The following IQSEC1 variants were observed in gnomAD, a reference collection of about 807,000 sequenced individuals.
IQSEC1 encodes IQ motif and Sec7 domain ArfGEF 1, also known as IQ motif and SEC7 domain-containing protein 1.
IQSEC1 carries 31 observed loss-of-function variants against 91.0 expected under a neutral mutation model. That is an observed-to-expected ratio of 0.34 (90% confidence interval 0.26 to 0.46). The LOEUF is 0.46. Among genes scored for constraint, IQSEC1 ranks in the 20% least tolerant of loss-of-function variants. IQSEC1 has a pLI of 1.00. For missense variants in IQSEC1, 1,388 were observed against 1,575.6 expected (o/e 0.88, Z 2.02); for synonymous variants, 699 against 662.6 (o/e 1.05, Z -0.84).
At chr3:13,039,086 C>T (rs1704155074) in intron 1 of IQSEC1, among the ~76,000 whole-genome samples, 1 of 152,346 alleles carries the variant, frequency 6.6e-6, no homozygotes, top group Middle Eastern at 3.4e-3. Flanking sequence ...ATATTTTCTT[C>T]CCACCTGAAC....
chr3:13,005,150 G>T (rs1702579908), intron 1 of IQSEC1, among the ~76,000 whole-genome samples: 1 of 152,156 alleles, frequency 6.6e-6, no homozygotes, highest in Admixed American at 6.5e-5. Context: ...ATTAACCCTT[G>T]TGTGTGGGGT....
intron 1 of IQSEC1, among the ~76,000 whole-genome samples, chr3:13,016,405 C>T (rs933926049): frequency 6.6e-6 from 1 of 152,252 alleles, no homozygotes; most frequent in Admixed American, 6.5e-5. Context: ...CGCCCCACCA[C>T]TCCCTCTCCA....
intron 1 of IQSEC1, among the ~76,000 whole-genome samples, chr3:13,007,912 C>T (rs1702706787): frequency 6.6e-6 from 1 of 152,004 alleles, no homozygotes; most frequent in South Asian, 2.1e-4. Flanking sequence ...GCCCACCCTT[C>T]CCCGGAGCAA....
chr3:13,077,050 A>G (rs1705574971), upstream of IQSEC1, among the ~76,000 whole-genome samples: 1 of 149,822 alleles, frequency 6.7e-6, no homozygotes, highest in African/African-American at 2.5e-5. Context: ...TTTTTTAAAG[A>G]CAAGGTCTCA....
chr3:13,213,392 G>C (rs1262954675), intron 1 of IQSEC1, among the ~76,000 whole-genome samples: 1 of 151,992 alleles, frequency 6.6e-6, no homozygotes, highest in African/African-American at 2.4e-5. Flanking sequence ...TTCCTGTTTC[G>C]GTACCATATA....
chr3:13,151,272 T>A lies in IQSEC1; in HGVS notation c.302+12832A>T, dbSNP rs532745433. The stretch of plus-strand genomic sequence containing the variant: ...TGGACGATGCTATCGGGAGCCCCTG[T>A]CACAGCCCCTTCTGCCCCCAGTCAC... On this transcript the variant is annotated intron_variant, in intron 2 of 15. Transcript: ENST00000648114. 1.4e-3 allele frequency among the ~76,000 whole-genome samples: 220 copies of A among 152,266 alleles called. 1 individual carries two copies. The highest frequency in any genetic ancestry group is 5.2e-3 in the African/African-American group (217 of 41,554).
intron 1 of IQSEC1, among the ~76,000 whole-genome samples, chr3:13,185,192 G>A (rs760274911): frequency 2.6e-5 from 4 of 152,140 alleles, no homozygotes; most frequent in African/African-American, 4.8e-5. Context: ...CTGACCTTAC[G>A]CAAGTGGCTT....
intron 1 of IQSEC1, among the ~76,000 whole-genome samples, chr3:13,257,451 C>G (rs990962816): frequency 2.0e-5 from 3 of 150,036 alleles, no homozygotes; most frequent in Non-Finnish European, 4.4e-5. Flanking sequence ...GCCCTCCTAG[C>G]TGAGTTGAAC....
chr3:13,257,307 C>G (rs755413619), intron 1 of IQSEC1, among the ~76,000 whole-genome samples: 1 of 152,208 alleles, frequency 6.6e-6, no homozygotes, highest in Non-Finnish European at 1.5e-5. Flanking sequence ...ATGAGACAGA[C>G]AGACAGACAT....
chr3:12,902,749 T>C (rs755508420), intron 13 of IQSEC1, 24 bp downstream of exon 13: 8 of 1,559,522 alleles, frequency 5.1e-6, no homozygotes, highest in Non-Finnish European at 5.3e-6. Context: ...GACAGCCAGC[T>C]GGACAGAGGC....
chr3:12,909,539 C>G lies in IQSEC1; in HGVS notation c.2417-105G>C. The G allele has an allele frequency of 8.4e-7, 1 of 1,195,558 alleles. No individual in the cohort carries two copies. 74.1% of individuals were successfully genotyped at this position (1,195,558 alleles called of 1,614,324 possible). Reference sequence around the variant, plus strand: ...TGGTAGGGCTGAGTTGTGCGTGAGCCTGGGATAAGTGCCGGGAGTCCAGCC... The same window carrying G: ...TGGTAGGGCTGAGTTGTGCGTGAGCGTGGGATAAGTGCCGGGAGTCCAGCC... On this transcript the variant is annotated intron_variant, in intron 10 of 13. Coordinates refer to ENST00000613206, the MANE Select transcript of IQSEC1 (RefSeq NM_001134382.3). The surrounding 1 kb of genome is among the most constrained non-coding windows in gnomAD (Gnocchi z 4.9).
At chr3:12,991,540 CTAAT>C (rs202045033) in intron 1 of IQSEC1, among the ~76,000 whole-genome samples, 1,856 of 152,286 alleles carry the variant, frequency 0.012, 20 homozygotes, top group South Asian at 0.066. Context: ...CCCCACCTGC[CTAAT>C]TATGAGGGGC....
intron 6 of IQSEC1, among the ~76,000 whole-genome samples, chr3:12,919,624 C>T (rs1169707187): frequency 6.6e-6 from 1 of 152,272 alleles, no homozygotes; most frequent in Non-Finnish European, 1.5e-5. Flanking sequence ...GCTGTATTCA[C>T]ACTGGCTCTT....
chr3:13,128,282 CT>C (rs1439970273), intron 2 of IQSEC1, among the ~76,000 whole-genome samples: 2 of 152,296 alleles, frequency 1.3e-5, no homozygotes, highest in African/African-American at 4.8e-5. Flanking sequence ...CTTTAATATA[CT>C]AATGATGCTA....
intron 1 of IQSEC1, chr3:13,021,962 G>T: frequency 9.5e-7 from 1 of 1,052,566 alleles, no homozygotes; most frequent in South Asian, 4.8e-5. Context: ...CCTGGACCCT[G>T]TACAGCCATG....
At chr3:13,186,951 T>A (rs1328055079) in intron 1 of IQSEC1, among the ~76,000 whole-genome samples, 1 of 152,058 alleles carries the variant, frequency 6.6e-6, no homozygotes, top group Admixed American at 6.6e-5. Flanking sequence ...CTCTCTTCCA[T>A]GGCCCGCTCC....
intron 1 of IQSEC1, among the ~76,000 whole-genome samples, chr3:13,191,477 ATTTTTTTTTTTTTTTTTT>A (rs57912681): frequency 8.7e-5 from 8 of 92,100 alleles, no homozygotes; most frequent in African/African-American, 3.0e-4. Context: ...CACCCAGCTA[ATTTTTTTTTTTTTTTTTT>A]TTTTTTTTTT....
rs960811082 is a variant in IQSEC1, at chr3:12,983,666, C to G, written c.24-41801G>C. On this transcript the variant is annotated intron_variant, in intron 1 of 13. Coordinates refer to ENST00000613206, the MANE Select transcript of IQSEC1 (RefSeq NM_001134382.3). The surrounding 1 kb of genome is among the most constrained non-coding windows in gnomAD (Gnocchi z 4.3). ...CTCCTTCAGGGACGCCTGGGCTGACCTCACAGGCCACGCTGGGCAATTCCT... is the reference window on the plus strand; with the variant it reads ...CTCCTTCAGGGACGCCTGGGCTGACGTCACAGGCCACGCTGGGCAATTCCT... Among the ~76,000 whole-genome samples the G allele has an allele frequency of 6.6e-6, 1 of 152,182 alleles. No individual in the cohort carries two copies. The highest frequency in any genetic ancestry group is 2.4e-5 in the African/African-American group (1 of 41,420).
rs964677734 is a variant in IQSEC1 at position 12,909,173 on chromosome 3, T to A, written c.2578+100A>T. 9.4e-6 allele frequency: 12 copies of A among 1,271,218 alleles called. No homozygotes were observed. The Admixed American group carries it at 1.7e-4, about 18-fold the overall frequency. 78.7% of individuals were successfully genotyped at this position (1,271,218 alleles called of 1,614,324 possible). A position where few individuals can be genotyped will look rare whatever the true frequency, so the allele number is the denominator to read the frequency against. ...GAAGGCCAGAAAAGACTGGGGGACA[T>A]CTTGTCTCTGTGAGCTCAGAAGTCA... On this transcript the variant is annotated intron_variant, in intron 11 of 13. Transcript: ENST00000613206. The surrounding 1 kb of genome is among the most constrained non-coding windows in gnomAD (Gnocchi z 4.9).
Sources: gnomAD v4.1 joint callset for allele counts (sites outside exome capture counted in the v4.1 genomes callset) on GRCh38, gnomAD v4.1.1 for gene constraint, Gnocchi (gnomAD v3.1) non-coding constraint, MANE v1.5 for transcripts, NCBI Gene and HGNC (gene_info 2026-07-23, HGNC 2026-07-21) for gene names.